The following NAA11 variants were observed in gnomAD, a reference collection of about 807,000 sequenced individuals.
NAA11 encodes the protein N-alpha-acetyltransferase 11, NatA catalytic subunit.
NAA11 carries 15 observed loss-of-function variants against 16.1 expected under a neutral mutation model. That is an observed-to-expected ratio of 0.93 (90% CI 0.62 to 1.44). The LOEUF (loss-of-function observed/expected upper bound fraction) is 1.44. Ranked by LOEUF, NAA11 falls within the 40% of genes most tolerant of loss-of-function variation. The probability of loss-of-function intolerance (pLI) is 0.00; values close to 1 mark genes in which losing one functional copy is unlikely to be tolerated. For synonymous variants in NAA11, 122 were observed against 112.4 expected, an observed-to-expected ratio of 1.09 and a Z score of -0.54; for missense variants, 298 against 291.3, an observed-to-expected ratio of 1.02 and a Z score of -0.17.
chr4:79,268,774 A>G (rs1273148259), intron 2 of NAA11, among the ~76,000 whole-genome samples: 2 of 151,686 alleles, frequency 1.3e-5, no homozygotes, highest in African/African-American at 2.4e-5. Context: ...ATATGTATAT[A>G]TGTGCCATGC....
chr4:79,256,633 C>CATATAT (rs1486193149), intron 2 of NAA11, among the ~76,000 whole-genome samples: 4 of 109,590 alleles, frequency 3.6e-5, no homozygotes, highest in Admixed American at 1.1e-4. Context: ...TAAAATGAAC[C>CATATAT]ATATATATAT....
the NAA11 span, among the ~76,000 whole-genome samples, chr4:79,186,276 T>G: frequency 1.1e-4 from 16 of 152,314 alleles, no homozygotes; most frequent in East Asian, 3.1e-3. Flanking sequence ...AATGATATTA[T>G]ATGTTGAAGG....
downstream of NAA11, among the ~76,000 whole-genome samples, chr4:79,314,751 C>T (rs1243921460): frequency 6.7e-6 from 1 of 148,622 alleles, no homozygotes; most frequent in Non-Finnish European, 1.5e-5. Flanking sequence ...AACCAATGAA[C>T]ACGATAAATT....
chr4:79,259,880 T>C (rs986590303), intron 2 of NAA11, among the ~76,000 whole-genome samples: 1 of 152,182 alleles, frequency 6.6e-6, no homozygotes, highest in East Asian at 1.9e-4. Context: ...CATTTCTTCA[T>C]TTCAGGTGTC....
intron 2 of NAA11, among the ~76,000 whole-genome samples, chr4:79,230,453 A>G (rs1046956809): frequency 6.6e-6 from 1 of 151,770 alleles, no homozygotes; most frequent in Admixed American, 6.6e-5. Context: ...AAGATTTTAT[A>G]TAAAGTCTTT....
At chr4:79,254,645 CTT>C (rs55884114) in intron 2 of NAA11, among the ~76,000 whole-genome samples, 7 of 123,190 alleles carry the variant, frequency 5.7e-5, no homozygotes, top group African/African-American at 6.0e-5. Context: ...TTGTCCTTTT[CTT>C]TTTTTTTTTT....
intron 1 of NAA11, among the ~76,000 whole-genome samples, chr4:79,322,239 G>A (rs559545704): frequency 1.3e-5 from 2 of 152,160 alleles, no homozygotes; most frequent in Non-Finnish European, 2.9e-5. Context: ...ATATGTCTCA[G>A]CAGATAACAA....
chr4:79,230,035 T>C (rs905371880), intron 2 of NAA11, among the ~76,000 whole-genome samples: 1 of 152,068 alleles, frequency 6.6e-6, no homozygotes, highest in African/African-American at 2.4e-5. Flanking sequence ...TCCAATTTCA[T>C]CTATGTCCCT....
intron 2 of NAA11, among the ~76,000 whole-genome samples, chr4:79,278,008 C>A (rs1341575132): frequency 2.0e-5 from 3 of 152,028 alleles, no homozygotes; most frequent in Non-Finnish European, 4.4e-5. Context: ...TTGAAAACAG[C>A]TTTGGAAAGA....
intron 1 of NAA11, among the ~76,000 whole-genome samples, chr4:79,303,797 G>T (rs1187592167): frequency 6.6e-6 from 1 of 152,198 alleles, no homozygotes; most frequent in East Asian, 1.9e-4. Flanking sequence ...GGAACCAAAA[G>T]AAGTAAGAGT....
intron 1 of NAA11, chr4:79,305,121 T>C (rs1184814489): frequency 2.0e-5 from 3 of 152,214 alleles, no homozygotes; most frequent in Admixed American, 6.5e-5. Flanking sequence ...TGGTTCTTCA[T>C]GTAGAGAATG....
the NAA11 span, among the ~76,000 whole-genome samples, chr4:79,178,657 T>C: frequency 6.6e-6 from 1 of 152,190 alleles, no homozygotes; most frequent in Non-Finnish European, 1.5e-5. Context: ...GTGGAGAAGA[T>C]ACATAGTATA....
At chr4:79,183,965 C>G in the NAA11 span, among the ~76,000 whole-genome samples, 1 of 125,428 alleles carries the variant, frequency 8.0e-6, no homozygotes, top group African/African-American at 3.5e-5. Flanking sequence ...TCTACCTTGA[C>G]AACAACATTT....
the NAA11 span, among the ~76,000 whole-genome samples, chr4:79,189,162 A>AAAAAAAAAAAAAAAAAC: frequency 1.3e-5 from 2 of 148,710 alleles, no homozygotes; most frequent in African/African-American, 2.4e-5. Flanking sequence ...AAAAAAAAAA[A>AAAAAAAAAAAAAAAAAC]AACTTATGAA....
chr4:79,175,847 T>G, the NAA11 span, among the ~76,000 whole-genome samples: 1 of 152,098 alleles, frequency 6.6e-6, no homozygotes, highest in African/African-American at 2.4e-5. Flanking sequence ...TGAGTTCACA[T>G]GAATTCAGCC....
At chr4:79,215,816 T>G in the NAA11 span, among the ~76,000 whole-genome samples, 1 of 152,138 alleles carries the variant, frequency 6.6e-6, no homozygotes, top group Admixed American at 6.6e-5. Context: ...TCTCATAGAA[T>G]TATTGAGTGA....
chr4:79,277,300 T>C (rs1321719340), intron 2 of NAA11, among the ~76,000 whole-genome samples: 2 of 152,088 alleles, frequency 1.3e-5, no homozygotes, highest in Non-Finnish European at 2.9e-5. Flanking sequence ...TGTCGGGTGC[T>C]GTGTCATACC....
At chr4:79,155,744 A>G in the NAA11 span, among the ~76,000 whole-genome samples, 7 of 152,344 alleles carry the variant, frequency 4.6e-5, no homozygotes, top group Non-Finnish European at 7.3e-5. Context: ...CTAGGAACTT[A>G]GTGTTTATGA....
Position 79,240,692 on chromosome 4 carries a change from A to C in NAA11, c.*123-14422T>G, listed in dbSNP as rs1721672290. On this transcript the variant is annotated intron_variant and NMD_transcript_variant, in intron 2 of 2. Coordinates refer to the NAA11 transcript ENST00000511542. The stretch of plus-strand genomic sequence containing the variant: ...TTTGGGCTTCTTATGCCACTGAAAA[A>C]ACATATCAAAAGAAAAAGAAGTTAC... Among the ~76,000 whole-genome samples the C allele has an allele frequency of 2.0e-5, 3 of 152,072 alleles. No homozygotes were observed. The South Asian group carries it at 6.2e-4, about 32-fold the overall frequency.
Sources: allele counts gnomAD v4.1 joint callset (sites outside exome capture counted in the v4.1 genomes callset), GRCh38; gene constraint gnomAD v4.1.1; transcripts MANE v1.5; gene names NCBI Gene and HGNC (gene_info 2026-07-23, HGNC 2026-07-21).